Variants in BSG observed in about 807,000 individuals in gnomAD.
BSG encodes basigin.
In BSG, 37 loss-of-function variants were observed where a neutral mutation model predicts 43.1. The observed-to-expected ratio is 0.86, with a 90% CI of 0.66 to 1.13. The LOEUF (loss-of-function observed/expected upper bound fraction) is 1.13, where lower values mean the gene tolerates loss of function less well. Ranked by LOEUF, BSG falls within the 50% of genes most tolerant of loss-of-function variation. The pLI is 0.00. For missense variants in BSG, 599 were observed against 554.2 expected, an observed-to-expected ratio of 1.08 and a Z score of -0.81; for synonymous variants, 309 against 238.7, an observed-to-expected ratio of 1.29 and a Z score of -2.72.
At chr19:574,305 G>A (rs962419509) in intron 1 of BSG, among the ~76,000 whole-genome samples, 3 of 150,962 alleles carry the variant, frequency 2.0e-5, no homozygotes, top group African/African-American at 7.3e-5. Flanking sequence ...TGTAATCCCA[G>A]CACTTTGGGA....
In BSG at chr19:577,856, G is replaced by A. The variant is rs775355702; in HGVS notation, c.150G>A (p.Pro50=). The change falls in exon 2 of 9, where the codon CCG becomes CCA. Residue 50 remains proline, a synonymous_variant. Transcript: ENST00000333511. ...VELHCEAVGS[P]VPEIQWWFEG... ...TGCACTGCGAGGCCGTGGGCAGCCC[G>A]GTGCCCGAGATCCAGTGGTGGTTTG... 11 of 1,545,132 alleles carry A rather than the reference G, an allele frequency of 7.1e-6. No individual in the cohort carries two copies. The South Asian group carries it at 7.2e-5, about 10-fold the overall frequency.
At chr19:577,025 G>A (rs1385968996) in intron 1 of BSG, among the ~76,000 whole-genome samples, 1 of 152,170 alleles carries the variant, frequency 6.6e-6, no homozygotes, top group African/African-American at 2.4e-5. Flanking sequence ...GCTGTGGGGA[G>A]GGCTGCAAGG....
Position 582,299 on chromosome 19 carries a change from T to C in BSG, c.1070-7T>C, listed in dbSNP as rs923786354. The C allele has an allele frequency of 6.2e-7, 1 of 1,603,992 alleles. No individual in the cohort carries two copies. ...TCCTCTTTTTCATGGCGGCGGTCCTTCTTCAGATGACGACGCCGGCTCTGC... is the reference window on the plus strand; with the variant it reads ...TCCTCTTTTTCATGGCGGCGGTCCTCCTTCAGATGACGACGCCGGCTCTGC... On this transcript the variant is annotated splice_polypyrimidine_tract_variant and splice_region_variant and intron_variant, in intron 6 of 8. Coordinates refer to ENST00000333511, the MANE Select transcript of BSG (RefSeq NM_001728.4).
intron 3 of BSG, 133 bp from the exon 4 acceptor site, chr19:580,246 C>A (rs1982162733): frequency 2.6e-6 from 2 of 769,108 alleles, no homozygotes; most frequent in African/African-American, 1.7e-5. Flanking sequence ...CCCAGGAGTT[C>A]TTTTGAGGTT....
intron 3 of BSG, 93 bp from the exon 4 acceptor site, chr19:580,286 C>A: frequency 8.4e-7 from 1 of 1,186,732 alleles, no homozygotes; most frequent in Non-Finnish European, 1.2e-6. Flanking sequence ...TTTGCTTTTT[C>A]ACTGTGCCGT....
rs778002178 is a variant in BSG, at chr19:581,557, C to T, written c.1035C>T (p.Tyr345=). 4.1e-5 allele frequency: 66 copies of T among 1,599,002 alleles called. 1 individual carries two copies. The South Asian group carries it at 6.1e-4, about 15-fold the overall frequency. ...TGCTGGTCACCATCATCTTCATCTA[C>T]GAGAAGCGCCGGAAGCCCGAGGACG... The part of the protein sequence containing the change: ...VLVLVTIIFI[Y]EKRRKPEDVL... The change falls in exon 6 of 9, where the codon TAC becomes TAT. Residue 345 remains tyrosine (Y), a synonymous_variant. Coordinates refer to ENST00000333511, the MANE Select transcript of BSG (RefSeq NM_001728.4).
intron 5 of BSG, 69 bp downstream of exon 5, chr19:580,851 G>A (rs527646590): frequency 3.4e-5 from 49 of 1,458,948 alleles, no homozygotes; most frequent in Non-Finnish European, 3.0e-5. Context: ...CTAGACTGGG[G>A]GTCCCGGACC....
In BSG at chr19:580,732, C is replaced by T; in HGVS notation, c.742C>T (p.Pro248Ser). 6.2e-7 allele frequency: 1 copy of T among 1,612,808 alleles called. No homozygotes were observed. Among genetic ancestry groups the T allele is most frequent in the Admixed American group, 1.7e-5 (1 of 60,016 alleles). The change falls in exon 5 of 9, where the codon CCA becomes TCA. Residue 248 changes from proline to serine, a missense_variant. Transcript: ENST00000333511. Reference sequence around the variant, plus strand: ...GCTGGTCTGCAAGTCAGAGTCCGTGCCACCTGTCACTGACTGGGCCTGGTA... The same window carrying T: ...GCTGGTCTGCAAGTCAGAGTCCGTGTCACCTGTCACTGACTGGGCCTGGTA... ...AMLVCKSESV[P>S]PVTDWAWYKI...
At chr19:578,283 G>A (rs1244592879) in intron 2 of BSG, 162 bp downstream of exon 2, 4 of 719,906 alleles carry the variant, frequency 5.6e-6, no homozygotes, top group Non-Finnish European at 8.3e-6. Context: ...CCTGAAGGGG[G>A]TGGGCTCGCC....
At chr19:574,983 A>T (rs1458182259) in intron 1 of BSG, 1 of 152,252 alleles carries the variant, frequency 6.6e-6, no homozygotes, top group Non-Finnish European at 1.5e-5. Flanking sequence ...TTGGACAGCC[A>T]AGTGGGTGAA....
chr19:581,278 G>T lies in BSG; in HGVS notation c.793-37G>T, dbSNP rs752987696. 3.2e-6 allele frequency: 5 copies of T among 1,583,666 alleles called. No homozygotes were observed. In the South Asian group the frequency reaches 3.5e-5, roughly 11 times the overall value. On this transcript the variant is annotated intron_variant, in intron 5 of 8. Transcript: ENST00000333511. ...AGGACTGGGTGAGGGGCCTAGACTG[G>T]GGGTCCTGGACTCAGCCCTTGCCTT...
Position 581,524 on chromosome 19 carries a change from G to T in BSG, c.1002G>T (p.Glu334Asp). The T allele has an allele frequency of 6.3e-7, 1 of 1,596,112 alleles. No homozygotes were observed. ...GGCCCTTCCTGGGCATCGTGGCTGAGGTGCTGGTGCTGGTCACCATCATCT... is the reference window on the plus strand; with the variant it reads ...GGCCCTTCCTGGGCATCGTGGCTGATGTGCTGGTGCTGGTCACCATCATCT... ...ALWPFLGIVAEVLVLVTIIFI... is the reference protein window; with the variant it reads ...ALWPFLGIVADVLVLVTIIFI... The change falls in exon 6 of 9, where the codon GAG (glutamate) becomes GAT (aspartate). Residue 334 changes from glutamate to aspartate, a missense_variant. Coordinates refer to ENST00000333511, the MANE Select transcript of BSG (RefSeq NM_001728.4).
intron 1 of BSG, among the ~76,000 whole-genome samples, chr19:575,887 TG>T (rs951851518): frequency 3.4e-4 from 51 of 151,294 alleles, no homozygotes; most frequent in African/African-American, 1.2e-3. Context: ...GTCCGTGGGG[TG>T]GGGGCGCTCT....
At chr19:582,139 A>G (rs1336034206) in intron 6 of BSG, among the ~76,000 whole-genome samples, 167 bp from the exon 7 acceptor site, 1 of 152,124 alleles carries the variant, frequency 6.6e-6, no homozygotes, top group Admixed American at 6.5e-5. Flanking sequence ...TCCCCACAGC[A>G]CTCAGAAGAT....
At chr19:579,745 C>A in intron 3 of BSG, 89 bp downstream of exon 3, 1 of 1,504,506 alleles carries the variant, frequency 6.6e-7, no homozygotes, top group South Asian at 1.3e-5. Flanking sequence ...AACAAAAGAC[C>A]GGTCGGCAGG....
At chr19:577,288 G>A (rs1363438042) in intron 1 of BSG, among the ~76,000 whole-genome samples, 1 of 152,212 alleles carries the variant, frequency 6.6e-6, no homozygotes, top group African/African-American at 2.4e-5. Context: ...CTGAGGACAC[G>A]AGCTTTCCAC....
At chr19:580,621 C>G in intron 4 of BSG, 25 bp from the exon 5 acceptor site, 4 of 1,612,336 alleles carry the variant, frequency 2.5e-6, no homozygotes, top group Non-Finnish European at 3.4e-6. Flanking sequence ...CGGTTCCAGG[C>G]TCCTCTCTCT....
At chr19:573,425 A>C (rs746023948) in intron 1 of BSG, among the ~76,000 whole-genome samples, 20 of 152,234 alleles carry the variant, frequency 1.3e-4, no homozygotes, top group Non-Finnish European at 2.2e-4. Flanking sequence ...CCAAGAGCAC[A>C]TGGAGGCTCT....
chr19:571,890 G>A (rs55996923), upstream of BSG: 3 of 424,030 alleles, frequency 7.1e-6, no homozygotes, highest in Non-Finnish European at 1.3e-5. Flanking sequence ...AAAGAAGAAG[G>A]GGGTAAGGTT....
Sources: allele counts gnomAD v4.1 joint callset (sites outside exome capture counted in the v4.1 genomes callset), GRCh38; gene constraint gnomAD v4.1.1; transcripts MANE v1.5; gene names NCBI Gene and HGNC (gene_info 2026-07-23, HGNC 2026-07-21).